Variants in TNIK observed in about 807,000 individuals in gnomAD.
TNIK encodes TRAF2 and NCK interacting kinase, also known as TRAF2 and NCK-interacting protein kinase.
Under a neutral mutation model 191.3 loss-of-function variants are expected in TNIK, and 49 were observed. The ratio of observed to expected loss-of-function variants is 0.26; its 90% CI spans 0.20 to 0.32. TNIK has a LOEUF of 0.32. Ranked by LOEUF, TNIK falls within the 10% of genes least tolerant of loss-of-function variation. The pLI, the probability that TNIK is intolerant of heterozygous loss-of-function variation, is 1.00. For missense variants in TNIK, 1,155 were observed against 1,702.3 expected (o/e 0.68, Z 5.66); for synonymous variants, 594 against 600.9 (o/e 0.99, Z 0.17).
chr3:171,460,399 C>A lies in TNIK; in HGVS notation c.-336G>T. The A allele has an allele frequency of 4.9e-6, 2 of 410,108 alleles. No homozygotes were observed. Among genetic ancestry groups the A allele is most frequent in the Non-Finnish European group, 8.9e-6 (2 of 223,822 alleles). 25.4% of individuals were successfully genotyped at this position (410,108 alleles called of 1,614,324 possible). ...TGTGCGTGGATGGCGGCTGCATTGG[C>A]TGTTATAATGAGACACATCAACTCC... On this transcript the variant is annotated 5_prime_UTR_variant, in exon 1 of 33. Coordinates refer to ENST00000436636, the MANE Select transcript of TNIK (RefSeq NM_015028.4). The surrounding 1 kb of genome is among the most constrained non-coding windows in gnomAD (Gnocchi z 6.8).
intron 2 of TNIK, among the ~76,000 whole-genome samples, chr3:171,288,544 C>T (rs568595984): frequency 2.4e-4 from 36 of 150,868 alleles, no homozygotes; most frequent in Non-Finnish European, 1.6e-4. Flanking sequence ...TGCGGTGGCT[C>T]ACGCCTGTAA....
chr3:171,184,397 A>C (rs1737105572), intron 7 of TNIK, among the ~76,000 whole-genome samples: 1 of 152,198 alleles, frequency 6.6e-6, no homozygotes, highest in Admixed American at 6.5e-5. Context: ...CAAAGGGAAA[A>C]TATTAGAATA....
intron 2 of TNIK, among the ~76,000 whole-genome samples, chr3:171,278,658 TAAA>T (rs1020725581): frequency 8.5e-5 from 13 of 152,056 alleles, no homozygotes; most frequent in Non-Finnish European, 1.9e-4. Context: ...AGGAAACCAT[TAAA>T]AAACAGGAGT....
At chr3:171,160,493 G>T (rs1225225187) in intron 11 of TNIK, among the ~76,000 whole-genome samples, 1 of 151,342 alleles carries the variant, frequency 6.6e-6, no homozygotes, top group African/African-American at 2.4e-5. Flanking sequence ...TCTTCTGCTT[G>T]TGCAATTCCC....
At position 171,059,364 on chromosome 3, in the gene TNIK, C is replaced by T. The variant is rs1209361958; in HGVS notation, c.*4517G>A. Among the ~76,000 whole-genome samples the T allele has an allele frequency of 6.6e-6, 1 of 152,058 alleles. No homozygotes were observed. The highest frequency in any genetic ancestry group is 1.5e-5 in the Non-Finnish European group (1 of 67,980). On this transcript the variant is annotated 3_prime_UTR_variant, in exon 33 of 33. Coordinates refer to ENST00000436636, the MANE Select transcript of TNIK (RefSeq NM_015028.4). ...ATGGGGATTTTTATTTTGGTATATT[C>T]TGGCACTTCCTGGAATGGCAGGTCT...
At chr3:171,371,595 C>T (rs1559987475) in intron 1 of TNIK, among the ~76,000 whole-genome samples, 1 of 152,112 alleles carries the variant, frequency 6.6e-6, no homozygotes, top group Non-Finnish European at 1.5e-5. Flanking sequence ...AACCACAAAA[C>T]CGGAAAACAC....
In TNIK at chr3:171,369,610, A is replaced by G. The variant is rs114151822; in HGVS notation, c.123+10T>C. 3.8e-4 allele frequency: 595 copies of G among 1,568,166 alleles called. 2 individuals carry two copies. The African/African-American group carries it at 7.3e-3, about 19-fold the overall frequency. ...CGTACATAAGCCACTCTCAGACTCAATGTACTTACCTTATAAACTTGCCCG... is the reference window on the plus strand; with the variant it reads ...CGTACATAAGCCACTCTCAGACTCAGTGTACTTACCTTATAAACTTGCCCG... On this transcript the variant is annotated intron_variant, in intron 2 of 32. Coordinates refer to ENST00000436636, the MANE Select transcript of TNIK (RefSeq NM_015028.4).
At chr3:171,382,392 T>C (rs1458406638) in intron 1 of TNIK, among the ~76,000 whole-genome samples, 1 of 152,148 alleles carries the variant, frequency 6.6e-6, no homozygotes, top group Non-Finnish European at 1.5e-5. Context: ...AGCTAATTTT[T>C]GTATTTTTAG....
At chr3:171,197,050 C>A (rs1196776782) in intron 4 of TNIK, among the ~76,000 whole-genome samples, 1 of 152,214 alleles carries the variant, frequency 6.6e-6, no homozygotes, top group African/African-American at 2.4e-5. Context: ...GCCACCACAC[C>A]TGGCCAGTAT....
chr3:171,355,343 G>C (rs532327958), intron 2 of TNIK, among the ~76,000 whole-genome samples: 1 of 152,278 alleles, frequency 6.6e-6, no homozygotes, highest in South Asian at 2.1e-4. Flanking sequence ...GGAATGGAAA[G>C]GTTTTGAAGT....
chr3:171,443,264 C>T (rs962581946), intron 1 of TNIK, among the ~76,000 whole-genome samples: 11 of 152,186 alleles, frequency 7.2e-5, no homozygotes, highest in Admixed American at 5.9e-4. Context: ...AGTATCCATG[C>T]TCTGAAAGTC....
chr3:171,157,793 A>G (rs1369324299), intron 11 of TNIK, 129 bp from the exon 12 acceptor site: 4 of 905,168 alleles, frequency 4.4e-6, no homozygotes, highest in Non-Finnish European at 6.6e-6. Flanking sequence ...AGGCTCCTAG[A>G]TCCTCCGCTA....
chr3:171,333,584 GA>G (rs562856294), intron 2 of TNIK, among the ~76,000 whole-genome samples: 63,864 of 114,902 alleles, frequency 0.56, 15,435 homozygotes, highest in East Asian at 0.71. Context: ...CAAAAAGAAA[GA>G]AAAAAAAAAA....
intron 15 of TNIK, among the ~76,000 whole-genome samples, chr3:171,132,341 G>A (rs1037995337): frequency 6.6e-6 from 1 of 152,112 alleles, no homozygotes; most frequent in African/African-American, 2.4e-5. Flanking sequence ...TAACTTTGGA[G>A]AAGTTTGGAT....
rs569838797 is a variant in TNIK at position 171,093,021 on chromosome 3, T to C, written c.2721+818A>G. Among the ~76,000 whole-genome samples, 5 of 152,380 alleles carry C rather than the reference T, an allele frequency of 3.3e-5. No individual in the cohort carries two copies. The East Asian group carries it at 7.7e-4, about 23-fold the overall frequency. On this transcript the variant is annotated intron_variant, in intron 23 of 32. Coordinates refer to ENST00000436636, the MANE Select transcript of TNIK (RefSeq NM_015028.4). ...ATTCTCAACCATCTTATAAGTTGTA[T>C]GCTATTATTTATAAAATTTTATAGA... is the stretch of plus-strand genomic sequence containing the variant.
intron 2 of TNIK, among the ~76,000 whole-genome samples, chr3:171,311,258 G>A (rs192428179): frequency 2.0e-5 from 3 of 152,162 alleles, no homozygotes; most frequent in Non-Finnish European, 4.4e-5. Flanking sequence ...AACATTATAC[G>A]AATAGTTTTG....
chr3:171,304,761 C>CA (rs1008953997), intron 2 of TNIK, among the ~76,000 whole-genome samples: 2 of 151,304 alleles, frequency 1.3e-5, no homozygotes, highest in African/African-American at 2.4e-5. Context: ...ATCACAAGGA[C>CA]AAAAAACCAA....
At chr3:171,355,000 T>C (rs1215221032) in intron 2 of TNIK, among the ~76,000 whole-genome samples, 1 of 152,206 alleles carries the variant, frequency 6.6e-6, no homozygotes, top group East Asian at 1.9e-4. Flanking sequence ...TTCTGTCTTG[T>C]ATTTTCCCCC....
intron 1 of TNIK, among the ~76,000 whole-genome samples, chr3:171,381,850 GA>G (rs781386635): frequency 6.6e-6 from 1 of 152,168 alleles, no homozygotes; most frequent in Non-Finnish European, 1.5e-5. Context: ...GTAATGGCTA[GA>G]ACACTACAGC....
Sources: allele counts gnomAD v4.1 joint callset (sites outside exome capture counted in the v4.1 genomes callset), GRCh38; gene constraint gnomAD v4.1.1; non-coding constraint Gnocchi (gnomAD v3.1); transcripts MANE v1.5; gene names NCBI Gene and HGNC (gene_info 2026-07-23, HGNC 2026-07-21).